Variants in NLGN1 observed in about 807,000 individuals in gnomAD.
NLGN1 encodes the protein neuroligin-1.
NLGN1 carries 12 observed loss-of-function variants against 65.5 expected under a neutral mutation model. That is an observed-to-expected ratio of 0.18 (90% CI 0.12 to 0.30). The LOEUF (loss-of-function observed/expected upper bound fraction) is 0.30. Ranked by LOEUF, NLGN1 falls within the 10% of genes least tolerant of loss-of-function variation. The pLI, the probability that NLGN1 is intolerant of heterozygous loss-of-function variation, is 1.00. For missense variants in NLGN1, 750 were observed against 1,007.1 expected, an observed-to-expected ratio of 0.74 and a Z score of 3.46; for synonymous variants, 350 against 359.5, an observed-to-expected ratio of 0.97 and a Z score of 0.30.
intron 3 of NLGN1, among the ~76,000 whole-genome samples, chr3:173,706,709 G>T (rs907044434): frequency 5.9e-5 from 9 of 152,244 alleles, no homozygotes; most frequent in African/African-American, 1.9e-4. Flanking sequence ...TACAGATATC[G>T]ATCTACAGAT....
At chr3:173,587,075 A>G (rs1747582203) in intron 2 of NLGN1, among the ~76,000 whole-genome samples, 1 of 152,196 alleles carries the variant, frequency 6.6e-6, no homozygotes, top group Non-Finnish European at 1.5e-5. Flanking sequence ...GAAACATGAA[A>G]AAGAAGGTCC....
chr3:173,927,910 A>G (rs1358045596), intron 4 of NLGN1, among the ~76,000 whole-genome samples: 1 of 152,122 alleles, frequency 6.6e-6, no homozygotes, highest in Non-Finnish European at 1.5e-5. Flanking sequence ...GGGCTCCAAG[A>G]GTCCTTACTT....
At chr3:173,711,058 C>T (rs1768870641) in intron 3 of NLGN1, among the ~76,000 whole-genome samples, 1 of 152,100 alleles carries the variant, frequency 6.6e-6, no homozygotes, top group South Asian at 2.1e-4. Context: ...CAATATTAGT[C>T]TACACAGGCA....
intron 4 of NLGN1, among the ~76,000 whole-genome samples, chr3:174,032,303 ATCT>A (rs931096933): frequency 3.3e-5 from 5 of 152,184 alleles, no homozygotes; most frequent in Non-Finnish European, 7.3e-5. Context: ...TTTTAAAAGG[ATCT>A]TAAAGTATTA....
At chr3:173,996,464 G>A (rs1722298773) in intron 4 of NLGN1, among the ~76,000 whole-genome samples, 1 of 152,120 alleles carries the variant, frequency 6.6e-6, no homozygotes, top group South Asian at 2.1e-4. Flanking sequence ...TGCTGAGAAT[G>A]CTAGTCCTGG....
chr3:173,672,680 T>C (rs1762602538), intron 3 of NLGN1, among the ~76,000 whole-genome samples: 2 of 152,216 alleles, frequency 1.3e-5, no homozygotes, highest in South Asian at 4.1e-4. Flanking sequence ...CTCCTGACCA[T>C]GTAAGACGCT....
At chr3:173,943,481 GA>G (rs1274080583) in intron 4 of NLGN1, among the ~76,000 whole-genome samples, 1 of 152,110 alleles carries the variant, frequency 6.6e-6, no homozygotes, top group African/African-American at 2.4e-5. Flanking sequence ...CAGCTTCAAT[GA>G]AAGTACATGC....
chr3:174,279,757 CA>C lies in NLGN1; in HGVS notation c.1649+109del. The C allele has an allele frequency of 1.6e-6, 1 of 639,270 alleles. No individual in the cohort carries two copies. Among genetic ancestry groups the C allele is most frequent in the Non-Finnish European group, 2.7e-6 (1 of 370,520 alleles). The allele number at this position is 639,270 out of a possible 1,614,324, so 39.6% of individuals were successfully genotyped here. On this transcript the variant is annotated intron_variant, in intron 6 of 6. Transcript: ENST00000457714. This position sits in a 1 kb window ranked among gnomAD's most constrained non-coding sequence, Gnocchi z 4.7. ...TAATGTCATATTGGATTAATACCTG[CA>C]AGATATTACATTCCTTTATTCAAAA... is the stretch of plus-strand genomic sequence containing the variant.
At chr3:174,022,860 A>AG (rs1163369533) in intron 4 of NLGN1, among the ~76,000 whole-genome samples, 3 of 152,086 alleles carry the variant, frequency 2.0e-5, no homozygotes, top group Admixed American at 2.0e-4. Flanking sequence ...GGGTTTCTGG[A>AG]GGTGCTAGTA....
chr3:174,066,790 T>C (rs916001595), intron 4 of NLGN1, among the ~76,000 whole-genome samples: 8 of 152,070 alleles, frequency 5.3e-5, no homozygotes, highest in African/African-American at 1.9e-4. Flanking sequence ...CTAAATGACT[T>C]GTTAATGTTG....
intron 4 of NLGN1, among the ~76,000 whole-genome samples, chr3:173,938,256 G>A (rs1047122282): frequency 2.0e-5 from 3 of 152,132 alleles, no homozygotes; most frequent in Admixed American, 2.0e-4. Context: ...CTCAAAGTTA[G>A]GTATGGCCAT....
rs116761362 is a variant in NLGN1, at chr3:173,872,986, A to T, written c.646+65154A>T. On this transcript the variant is annotated intron_variant, in intron 4 of 6. Transcript: ENST00000457714. ...AGTTTGATGATACAATGTCACATAC[A>T]CAGTAATTACTGTGGAATGTCCCCA... 4.3e-3 allele frequency among the ~76,000 whole-genome samples: 651 copies of T among 152,250 alleles called. 9 individuals carry two copies. Among genetic ancestry groups the T allele is most frequent in the African/African-American group, 0.014 (595 of 41,534 alleles).
chr3:173,463,388 A>G (rs933844959), intron 2 of NLGN1, among the ~76,000 whole-genome samples: 2 of 152,030 alleles, frequency 1.3e-5, no homozygotes, highest in African/African-American at 2.4e-5. Context: ...TCCATCTCCA[A>G]TTTCTTTTCA....
intron 4 of NLGN1, among the ~76,000 whole-genome samples, chr3:174,184,176 A>G (rs548077639): frequency 1.1e-4 from 16 of 152,264 alleles, no homozygotes; most frequent in African/African-American, 3.1e-4. Flanking sequence ...AACCAATGAA[A>G]TATTTAAAAG....
At chr3:173,519,531 A>T (rs1164989497) in intron 2 of NLGN1, among the ~76,000 whole-genome samples, 1 of 152,248 alleles carries the variant, frequency 6.6e-6, no homozygotes, top group Non-Finnish European at 1.5e-5. Context: ...TGTGCCCTGG[A>T]TGTGGGACAT....
chr3:173,595,047 A>T (rs1235680294), intron 2 of NLGN1, among the ~76,000 whole-genome samples: 1 of 152,182 alleles, frequency 6.6e-6, no homozygotes, highest in African/African-American at 2.4e-5. Flanking sequence ...AAGACCTTAG[A>T]CATGCCCTGG....
chr3:173,564,816 T>A (rs1162791034), intron 2 of NLGN1, among the ~76,000 whole-genome samples: 1 of 152,228 alleles, frequency 6.6e-6, no homozygotes, highest in Non-Finnish European at 1.5e-5. Flanking sequence ...CCTCTTCAAT[T>A]ATTGCCTTAT....
At chr3:174,232,136 G>A (rs1423321331) in intron 4 of NLGN1, among the ~76,000 whole-genome samples, 1 of 152,182 alleles carries the variant, frequency 6.6e-6, no homozygotes, top group Non-Finnish European at 1.5e-5. Flanking sequence ...AGTCAACGAT[G>A]GGAGGTAGGG....
At chr3:173,866,605 A>C (rs1419426189) in intron 4 of NLGN1, among the ~76,000 whole-genome samples, 1 of 152,202 alleles carries the variant, frequency 6.6e-6, no homozygotes, top group Non-Finnish European at 1.5e-5. Context: ...TTATATTCTC[A>C]ACTAAGTTTA....
Sources: allele counts gnomAD v4.1 joint callset (sites outside exome capture counted in the v4.1 genomes callset), GRCh38; gene constraint gnomAD v4.1.1; non-coding constraint Gnocchi (gnomAD v3.1); transcripts MANE v1.5; gene names NCBI Gene and HGNC (gene_info 2026-07-23, HGNC 2026-07-21).